The following NUTM2E variants were observed in gnomAD, a reference collection of about 807,000 sequenced individuals.
NUTM2E encodes the protein family with sequence similarity 22, member E.
Under a neutral mutation model 26.1 loss-of-function variants are expected in NUTM2E, and 3 were observed. The observed-to-expected ratio is 0.12, with a 90% CI of 0.05 to 0.30. The LOEUF is 0.30. Ranked by LOEUF, NUTM2E falls within the 10% of genes least tolerant of loss-of-function variation. NUTM2E has a pLI of 1.00. For missense variants in NUTM2E, 62 were observed against 381.3 expected (o/e 0.16, Z 6.97); for synonymous variants, 13 against 157.5 (o/e 0.08, Z 6.87).
chr10:79,843,222 GTTT>G (rs1171363456), intron 4 of NUTM2E, among the ~76,000 whole-genome samples: 2 of 112,456 alleles, frequency 1.8e-5, no homozygotes, highest in African/African-American at 3.4e-5. Flanking sequence ...AGAACCCCTG[GTTT>G]TTGGTTGGTC....
intron 5 of NUTM2E, among the ~76,000 whole-genome samples, chr10:79,845,460 G>A (rs1487930317): frequency 5.4e-5 from 6 of 111,032 alleles, no homozygotes; most frequent in African/African-American, 1.7e-4. Flanking sequence ...TCATTCAGAG[G>A]ATGGTGAAGA....
chr10:79,827,916 C>A (rs1841898593), intron 1 of NUTM2E, among the ~76,000 whole-genome samples: 1 of 150,986 alleles, frequency 6.6e-6, no homozygotes, highest in Non-Finnish European at 1.5e-5. Flanking sequence ...ACCTCAGCCT[C>A]CCAAGTAGCT....
intron 1 of NUTM2E, among the ~76,000 whole-genome samples, chr10:79,827,795 G>GTT (rs57414762): frequency 7.8e-6 from 1 of 127,724 alleles, no homozygotes; most frequent in Non-Finnish European, 1.7e-5. Context: ...TTTTTTTTTT[G>GTT]TTTTTTTTTT....
At chr10:79,831,911 G>T (rs2132413397) in intron 1 of NUTM2E, among the ~76,000 whole-genome samples, 1 of 152,084 alleles carries the variant, frequency 6.6e-6, no homozygotes, top group East Asian at 1.9e-4. Context: ...AGTTCTGGAG[G>T]CTGGAAAATT....
At chr10:79,845,310 A>G (rs528485675) in intron 5 of NUTM2E, among the ~76,000 whole-genome samples, 1 of 113,680 alleles carries the variant, frequency 8.8e-6, no homozygotes, top group East Asian at 2.1e-4. Context: ...ACATGCCCGC[A>G]GTTCCGCTGA....
chr10:79,838,023 T>A (rs897132034), intron 1 of NUTM2E, among the ~76,000 whole-genome samples: 1 of 151,430 alleles, frequency 6.6e-6, no homozygotes, highest in African/African-American at 2.4e-5. Flanking sequence ...AGTCCTCTTG[T>A]CTCTCAGTTC....
intron 1 of NUTM2E, chr10:79,827,722 T>C (rs1435765536): frequency 6.6e-6 from 1 of 151,038 alleles, no homozygotes; most frequent in African/African-American, 2.4e-5. Context: ...TTATTGCTGG[T>C]CTATTTTTTT....
intron 4 of NUTM2E, among the ~76,000 whole-genome samples, chr10:79,843,302 T>C (rs1842006724): frequency 1.1e-5 from 1 of 94,798 alleles, no homozygotes; most frequent in Non-Finnish European, 2.3e-5. Context: ...CCACTACCTA[T>C]TGTAACATGA....
Position 79,827,433 on chromosome 10 carries a change from G to C in NUTM2E, c.-2728+76G>C, listed in dbSNP as rs1338367466. 6 of 151,522 alleles carry C rather than the reference G, an allele frequency of 4.0e-5. No individual in the cohort carries two copies. In the East Asian group the frequency reaches 1.2e-3, roughly 29 times the overall value. 9.4% of individuals were successfully genotyped at this position (151,522 alleles called of 1,614,324 possible). ...GCATTTGTATTTTTAATTACAGATA[G>C]GATTACACTAAAAGTCATTTCTGAC... is the stretch of plus-strand genomic sequence containing the variant. On this transcript the variant is annotated intron_variant, in intron 1 of 9. Coordinates refer to ENST00000429984, the MANE Select transcript of NUTM2E (RefSeq NM_001355263.2).
chr10:79,835,366 A>C (rs1008112894), intron 1 of NUTM2E, among the ~76,000 whole-genome samples: 4 of 150,426 alleles, frequency 2.7e-5, no homozygotes, highest in Non-Finnish European at 5.9e-5. Flanking sequence ...TATTCAAAGA[A>C]GATAATTAAT....
Position 79,839,981 on chromosome 10 carries a change from TAAGAC to T in NUTM2E, c.-1753_-1749del, listed in dbSNP as rs1370585270. ...ACATGTACAGAAGCGATTGCAGAAT[TAAGAC>T]AAGACACTTCCACAATATATTTTTT... is the stretch of plus-strand genomic sequence containing the variant. On this transcript the variant is annotated 5_prime_UTR_variant, in exon 4 of 10. The change creates a premature stop within an existing upstream ORF in the 5' untranslated region. Transcript: ENST00000429984. Among the ~76,000 whole-genome samples, 1 of 148,532 alleles carries T rather than the reference TAAGAC, an allele frequency of 6.7e-6. No homozygotes were observed. Among genetic ancestry groups the T allele is most frequent in the African/African-American group, 2.5e-5 (1 of 39,482 alleles).
Position 79,849,037 on chromosome 10 carries a change from G to T in NUTM2E, c.1734+142G>T, listed in dbSNP as rs530940016. On this transcript the variant is annotated intron_variant, in intron 8 of 9. Transcript: ENST00000429984. ...AGTGTCTGTGTATGTGATTGTGTGT[G>T]TCTGTGTGTTTGTGTCTGTGGTTTG... is the stretch of plus-strand genomic sequence containing the variant. 1.8e-4 allele frequency: 172 copies of T among 968,084 alleles called. 19 individuals are homozygous for T. The African/African-American group carries it at 2.5e-3, about 14-fold the overall frequency. The allele number at this position is 968,084 out of a possible 1,614,324, so 60.0% of individuals were successfully genotyped here. A position where few individuals can be genotyped will look rare whatever the true frequency, so the allele number is the denominator to read the frequency against.
Position 79,830,109 on chromosome 10 carries a change from T to TA in NUTM2E, c.-2728+2759dup, listed in dbSNP as rs577936534. ...AAATCAAGTTCTCAGAAAACTAAAGTAAAAAAATCTTAACATTACATATGC... is the reference window on the plus strand; with the variant it reads ...AAATCAAGTTCTCAGAAAACTAAAGTAAAAAAAATCTTAACATTACATATGC... On this transcript the variant is annotated intron_variant, in intron 1 of 9. Coordinates refer to ENST00000429984, the MANE Select transcript of NUTM2E (RefSeq NM_001355263.2). Among the ~76,000 whole-genome samples, 167 of 151,662 alleles carry TA rather than the reference T, an allele frequency of 1.1e-3. 1 individual carries two copies. Among genetic ancestry groups the TA allele is most frequent in the African/African-American group, 3.8e-3 (158 of 41,444 alleles).
intron 1 of NUTM2E, among the ~76,000 whole-genome samples, chr10:79,837,293 T>C (rs532948613): frequency 6.6e-6 from 1 of 152,150 alleles, no homozygotes; most frequent in Admixed American, 6.6e-5. Flanking sequence ...GAAGCCTGAT[T>C]CTGTTTGCCT....
At chr10:79,834,128 A>G (rs1489293934) in intron 1 of NUTM2E, among the ~76,000 whole-genome samples, 5 of 151,154 alleles carry the variant, frequency 3.3e-5, no homozygotes, top group Non-Finnish European at 5.9e-5. Context: ...ACCAAACACC[A>G]CATGTTCTCA....
intron 8 of NUTM2E, 123 bp downstream of exon 8, chr10:79,849,018 T>C: frequency 1.1e-6 from 1 of 899,774 alleles, no homozygotes; most frequent in South Asian, 1.6e-5. Flanking sequence ...TTTGAGTGTC[T>C]GTGTATGTGA....
At position 79,838,940 on chromosome 10, in the gene NUTM2E, G is replaced by A. The variant is rs966415608; in HGVS notation, c.-2289G>A. 9.4e-5 allele frequency among the ~76,000 whole-genome samples: 14 copies of A among 148,818 alleles called. No homozygotes were observed. The highest frequency in any genetic ancestry group is 4.7e-4 in the Admixed American group (7 of 14,982). On this transcript the variant is annotated 5_prime_UTR_variant, in exon 3 of 10. Transcript: ENST00000429984. ...ACCTCGCCCGCCTCAAGGCTCCTGC[G>A]GCGGCGCACAGGGCAGGCCAGGAGC...
intron 1 of NUTM2E, among the ~76,000 whole-genome samples, chr10:79,832,745 C>G (rs397787542): frequency 4.0e-5 from 6 of 151,596 alleles, no homozygotes; most frequent in Non-Finnish European, 8.8e-5. Flanking sequence ...AACAAAAAGC[C>G]TATATCTTTG....
intron 5 of NUTM2E, among the ~76,000 whole-genome samples, chr10:79,845,269 G>A (rs1324916535): frequency 1.8e-5 from 2 of 112,898 alleles, no homozygotes; most frequent in East Asian, 2.1e-4. Context: ...GGGCCGGGGG[G>A]AGGAGCTGCA....
Sources: gnomAD v4.1 joint callset for allele counts (sites outside exome capture counted in the v4.1 genomes callset) on GRCh38, gnomAD v4.1.1 for gene constraint, MANE v1.5 for transcripts, NCBI Gene and HGNC (gene_info 2026-07-23, HGNC 2026-07-21) for gene names.